Variants in USP42 observed in about 807,000 individuals in gnomAD.
USP42 encodes the protein ubiquitin specific peptidase 42.
Under a neutral mutation model 113.0 loss-of-function variants are expected in USP42, and 23 were observed. That is an observed-to-expected ratio of 0.20 (90% CI 0.15 to 0.29). The LOEUF (loss-of-function observed/expected upper bound fraction) is 0.29, where lower values mean the gene tolerates loss of function less well. Ranked by LOEUF, USP42 falls within the 10% of genes least tolerant of loss-of-function variation. The pLI is 1.00. For missense variants in USP42, 2,174 were observed against 1,779.8 expected, an observed-to-expected ratio of 1.22 and a Z score of -3.99; for synonymous variants, 933 against 699.0, an observed-to-expected ratio of 1.33 and a Z score of -5.28.
chr7:6,147,845 G>A lies in USP42; in HGVS notation c.1339G>A (p.Ala447Thr), dbSNP rs548713515. Residue 447 changes from alanine (A) to threonine (T), a missense_variant, in exon 12 of 18, where the codon GCT becomes ACT. Transcript: ENST00000306177. ...ISQRVVTNKQAAPGFIGPQLP... is the reference protein window; with the variant it reads ...ISQRVVTNKQTAPGFIGPQLP... ...TCAGCGGGTTGTCACCAACAAACAG[G>A]CTGCGCCAGGCTTTATCGGACCACA... The A allele has an allele frequency of 1.9e-6, 3 of 1,613,170 alleles. No individual in the cohort carries two copies. Among genetic ancestry groups the A allele is most frequent in the South Asian group, 1.1e-5 (1 of 90,876 alleles).
At position 6,109,227 on chromosome 7, in the gene USP42, A is replaced by G. The variant is rs986465811; in HGVS notation, c.-9-1898A>G. Among the ~76,000 whole-genome samples, 9 of 152,322 alleles carry G rather than the reference A, an allele frequency of 5.9e-5. No individual in the cohort carries two copies. The South Asian group carries it at 8.3e-4, about 14-fold the overall frequency. On this transcript the variant is annotated intron_variant, in intron 1 of 17. Transcript: ENST00000306177. ...GAAAAGAACAGCATGTGCAGAGCCCAGAGACAGCAGGGACAAAAGAAAAAA... is the reference window on the plus strand; with the variant it reads ...GAAAAGAACAGCATGTGCAGAGCCCGGAGACAGCAGGGACAAAAGAAAAAA...
At chr7:6,099,370 A>G in the USP42 span, among the ~76,000 whole-genome samples, 2 of 148,680 alleles carry the variant, frequency 1.3e-5, 1 homozygote, top group Non-Finnish European at 3.0e-5. Context: ...ACCCGCCACC[A>G]TGCCCGGCTA....
At position 6,154,604 on chromosome 7, in the gene USP42, G is replaced by A. The variant is rs897717740; in HGVS notation, c.3050G>A (p.Cys1017Tyr). ...SPGERRSLGR[C>Y]SHHHSRHRSG... is the part of the protein sequence containing the mutation. ...GGCGAGCGCCGCTCTCTGGGCAGGT[G>A]CAGTCACCACCACTCCCGACACCGG... is the stretch of plus-strand genomic sequence containing the variant. Residue 1017 changes from cysteine to tyrosine, a missense_variant, in exon 15 of 18, where the codon TGC becomes TAC. By Grantham distance (194) the Cys-to-Tyr change is radical. Transcript: ENST00000306177. 3.2e-5 allele frequency: 51 copies of A among 1,587,266 alleles called. No individual in the cohort carries two copies. The highest frequency in any genetic ancestry group is 4.1e-5 in the Non-Finnish European group (48 of 1,168,988).
chr7:6,134,826 C>T (rs532972295), intron 3 of USP42, among the ~76,000 whole-genome samples: 77 of 152,232 alleles, frequency 5.1e-4, no homozygotes, highest in African/African-American at 1.7e-3. Flanking sequence ...CGCTCTGTTG[C>T]CCAGGCTGTA....
At chr7:6,153,656 AT>A in intron 14 of USP42, 99 bp from the exon 15 acceptor site, 36 of 1,321,664 alleles carry the variant, frequency 2.7e-5, no homozygotes, top group Non-Finnish European at 3.4e-5. Flanking sequence ...AAGAGACGAA[AT>A]AGCAAATGAA....
At chr7:6,102,766 GAA>G (rs1790166638), upstream of USP42, among the ~76,000 whole-genome samples, 1 of 150,850 alleles carries the variant, frequency 6.6e-6, no homozygotes, top group Non-Finnish European at 1.5e-5. Flanking sequence ...AGAGGAAAGG[GAA>G]CTTGGAGTTT....
upstream of USP42, among the ~76,000 whole-genome samples, chr7:6,104,349 T>A (rs1779124626): frequency 6.6e-6 from 1 of 152,046 alleles, no homozygotes; most frequent in South Asian, 2.1e-4. Context: ...CCCAGAATGC[T>A]GGGATTAAGG....
chr7:6,156,618 G>C, intron 15 of USP42, 136 bp from the exon 16 acceptor site: 3 of 1,349,528 alleles, frequency 2.2e-6, no homozygotes, highest in Non-Finnish European at 2.9e-6. Flanking sequence ...CCTGGCCTAC[G>C]TGGCTAATTA....
At chr7:6,082,672 A>G in the USP42 span, among the ~76,000 whole-genome samples, 6 of 122,596 alleles carry the variant, frequency 4.9e-5, no homozygotes, top group South Asian at 1.3e-3. Flanking sequence ...GTGCAGTGGC[A>G]TGATCTTGGC....
intron 3 of USP42, among the ~76,000 whole-genome samples, chr7:6,119,683 C>G (rs935537284): frequency 2.6e-5 from 4 of 151,800 alleles, no homozygotes; most frequent in Admixed American, 6.6e-5. Flanking sequence ...TTCATTTAGG[C>G]CTTGTTTTTT....
At chr7:6,085,107 C>CTATTTATT in the USP42 span, 166 of 150,046 alleles carry the variant, frequency 1.1e-3, 8 homozygotes, top group African/African-American at 3.9e-3. Context: ...TTAGCCATTC[C>CTATTTATT]TATTTATTTA....
chr7:6,155,500 G>A (rs1214132751), intron 15 of USP42, among the ~76,000 whole-genome samples: 1 of 152,186 alleles, frequency 6.6e-6, no homozygotes, highest in African/African-American at 2.4e-5. Context: ...TAAGCATGCA[G>A]TGTTCCATCA....
intron 14 of USP42, among the ~76,000 whole-genome samples, chr7:6,151,618 T>A (rs1782055380): frequency 6.6e-6 from 1 of 152,076 alleles, no homozygotes; most frequent in South Asian, 2.1e-4. Context: ...TTTTTTTGTA[T>A]TTTTAGTAGA....
At chr7:6,141,201 C>CTTTTTTTTTTTTTTTTTT (rs903124477) in intron 7 of USP42, among the ~76,000 whole-genome samples, 1 of 124,000 alleles carries the variant, frequency 8.1e-6, no homozygotes, top group African/African-American at 3.0e-5. Flanking sequence ...TTTTTCTTTT[C>CTTTTTTTTTTTTTTTTTT]TTTTTTTTTT....
At chr7:6,117,135 A>G (rs1000236423) in intron 3 of USP42, among the ~76,000 whole-genome samples, 2 of 152,174 alleles carry the variant, frequency 1.3e-5, no homozygotes, top group Non-Finnish European at 2.9e-5. Flanking sequence ...CAAGATTAAG[A>G]TAATGAACAT....
intron 11 of USP42, among the ~76,000 whole-genome samples, chr7:6,147,419 G>A (rs1043195688): frequency 6.6e-6 from 1 of 152,118 alleles, no homozygotes; most frequent in African/African-American, 2.4e-5. Flanking sequence ...AGTCCAGCCT[G>A]GGCGACGCAG....
intron 15 of USP42, 112 bp from the exon 16 acceptor site, chr7:6,156,642 C>T (rs561055046): frequency 3.8e-5 from 53 of 1,406,198 alleles, no homozygotes; most frequent in East Asian, 2.4e-4. Context: ...AAGAATTGTG[C>T]GTGTCTGCAC....
chr7:6,082,018 G>A, the USP42 span, among the ~76,000 whole-genome samples: 4 of 151,812 alleles, frequency 2.6e-5, no homozygotes, highest in South Asian at 8.3e-4. Context: ...TTTCTGCGGG[G>A]ACTTGTCTGT....
Position 6,154,547 on chromosome 7 carries a change from A to G in USP42, c.2993A>G (p.His998Arg), listed in dbSNP as rs991334877. The G allele has an allele frequency of 2.6e-6, 4 of 1,547,096 alleles. No homozygotes were observed. In the African/African-American group the frequency reaches 4.1e-5, roughly 16 times the overall value. Reference sequence around the variant, plus strand: ...CGCCAGGACCGCCACGCCCCGGAGCACCACCCCGGCCACGGCGACAGGCTC... The same window carrying G: ...CGCCAGGACCGCCACGCCCCGGAGCGCCACCCCGGCCACGGCGACAGGCTC... ...RDRQDRHAPEHHPGHGDRLSP... is the reference protein window; with the variant it reads ...RDRQDRHAPERHPGHGDRLSP... Residue 998 changes from histidine to arginine, a missense_variant, in exon 15 of 18, where the codon CAC (histidine) becomes CGC (arginine). Coordinates refer to ENST00000306177, the MANE Select transcript of USP42 (RefSeq NM_032172.3).
Sources: allele counts gnomAD v4.1 joint callset (sites outside exome capture counted in the v4.1 genomes callset), GRCh38; gene constraint gnomAD v4.1.1; transcripts MANE v1.5; gene names NCBI Gene and HGNC (gene_info 2026-07-23, HGNC 2026-07-21).